PKHD1L1: variants seen among roughly 807,000 people sequenced by gnomAD.
The protein encoded by PKHD1L1 is PKHD1 like 1.
PKHD1L1 carries 434 observed loss-of-function variants against 462.9 expected under a neutral mutation model. The observed-to-expected ratio is 0.94, with a 90% CI of 0.87 to 1.02. The LOEUF is 1.02. PKHD1L1 is among the 50% of genes least tolerant of loss of function. The pLI, the probability that PKHD1L1 is intolerant of heterozygous loss-of-function variation, is 0.00. For missense variants in PKHD1L1, 5,202 were observed against 5,096.1 expected, an observed-to-expected ratio of 1.02 and a Z score of -0.63; for synonymous variants, 1,781 against 1,750.0, an observed-to-expected ratio of 1.02 and a Z score of -0.44.
At chr8:109,525,841 C>A (rs1412310482) in intron 76 of PKHD1L1, among the ~76,000 whole-genome samples, 1 of 146,592 alleles carries the variant, frequency 6.8e-6, no homozygotes, top group Non-Finnish European at 1.5e-5. Flanking sequence ...GCCCATATAT[C>A]CTGAAAGTTA....
intron 50 of PKHD1L1, among the ~76,000 whole-genome samples, chr8:109,467,541 A>G (rs1817513753): frequency 6.6e-6 from 1 of 152,096 alleles, no homozygotes; most frequent in South Asian, 2.1e-4. Context: ...TTGGGGAACC[A>G]GTGTGGGAAT....
intron 16 of PKHD1L1, among the ~76,000 whole-genome samples, 181 bp downstream of exon 16, chr8:109,405,311 T>A (rs866404390): frequency 6.6e-6 from 1 of 152,160 alleles, no homozygotes; most frequent in Non-Finnish European, 1.5e-5. Context: ...ATGACATCCA[T>A]ACAAATAACT....
intron 27 of PKHD1L1, among the ~76,000 whole-genome samples, chr8:109,431,461 G>A (rs898648805): frequency 6.6e-6 from 1 of 151,924 alleles, no homozygotes; most frequent in Non-Finnish European, 1.5e-5. Flanking sequence ...CATAACTCTC[G>A]AGGGACAATC....
rs991831835 is a variant in PKHD1L1 at position 109,530,151 on chromosome 8, G to C, written c.*61G>C. 1.2e-4 allele frequency: 128 copies of C among 1,063,946 alleles called. 2 individuals are homozygous for C. Among genetic ancestry groups the C allele is most frequent in the Non-Finnish European group, 1.5e-4 (116 of 792,398 alleles). The allele number at this position is 1,063,946 out of a possible 1,614,324, so 65.9% of individuals were successfully genotyped here. On this transcript the variant is annotated 3_prime_UTR_variant, in exon 78 of 78. Coordinates refer to ENST00000378402, the MANE Select transcript of PKHD1L1 (RefSeq NM_177531.6). Reference sequence around the variant, plus strand: ...TAAGAATTATTAGCTACTTTGTTGGGCAATAGGCAAAAGTCTATAGCATTT... The same window carrying C: ...TAAGAATTATTAGCTACTTTGTTGGCCAATAGGCAAAAGTCTATAGCATTT...
intron 17 of PKHD1L1, 144 bp from the exon 18 acceptor site, chr8:109,407,905 T>A: frequency 2.5e-6 from 1 of 403,540 alleles, no homozygotes. Context: ...CCCCCATTCT[T>A]CCTTCTTTTC....
At chr8:109,423,108 T>G (rs1326511561) in intron 23 of PKHD1L1, among the ~76,000 whole-genome samples, 1 of 152,208 alleles carries the variant, frequency 6.6e-6, no homozygotes, top group East Asian at 1.9e-4. Flanking sequence ...ATCTTCTTCA[T>G]AAGGTCTTTG....
At chr8:109,437,482 A>T (rs1299895796) in intron 30 of PKHD1L1, among the ~76,000 whole-genome samples, 1 of 138,634 alleles carries the variant, frequency 7.2e-6, no homozygotes, top group Non-Finnish European at 1.6e-5. Flanking sequence ...TCCTAATGCT[A>T]TCCCTCCCCC....
chr8:109,435,575 T>C (rs910362841), intron 29 of PKHD1L1, among the ~76,000 whole-genome samples: 1 of 152,234 alleles, frequency 6.6e-6, no homozygotes, highest in African/African-American at 2.4e-5. Context: ...TCTTAGGTTA[T>C]TGAATTAATA....
chr8:109,374,175 C>G (rs767030977), intron 2 of PKHD1L1, among the ~76,000 whole-genome samples: 1 of 152,140 alleles, frequency 6.6e-6, no homozygotes, highest in Non-Finnish European at 1.5e-5. Flanking sequence ...ATTTATGAAT[C>G]TGGGTGCTCC....
At chr8:109,484,516 G>C (rs1041528023) in intron 57 of PKHD1L1, among the ~76,000 whole-genome samples, 1 of 151,924 alleles carries the variant, frequency 6.6e-6, no homozygotes, top group African/African-American at 2.4e-5. Context: ...AGATAACATT[G>C]AATATTCCAG....
In PKHD1L1 at chr8:109,456,364, A is replaced by C. The variant is rs1816825005; in HGVS notation, c.6977A>C (p.Asn2326Thr). 2 of 1,609,730 alleles carry C rather than the reference A, an allele frequency of 1.2e-6. No homozygotes were observed. Among genetic ancestry groups the C allele is most frequent in the Non-Finnish European group, 1.7e-6 (2 of 1,177,758 alleles). The change falls in exon 46 of 78, where the codon AAC becomes ACC. Residue 2326 changes from asparagine (N) to threonine (T), a missense_variant. Physicochemically the swap from Asn to Thr is moderately conservative, Grantham distance 65. Coordinates refer to ENST00000378402, the MANE Select transcript of PKHD1L1 (RefSeq NM_177531.6). ...QEAVTWKPGD[N>T]IVIASTGHRH... Reference sequence around the variant, plus strand: ...GCAGTAACATGGAAACCAGGAGATAACATTGTAATTGCAAGCACAGGACAC... The same window carrying C: ...GCAGTAACATGGAAACCAGGAGATACCATTGTAATTGCAAGCACAGGACAC...
chr8:109,487,518 G>A (rs73704037), intron 59 of PKHD1L1, among the ~76,000 whole-genome samples: 161 of 127,624 alleles, frequency 1.3e-3, no homozygotes, highest in African/African-American at 4.7e-3. Context: ...GATCCACATT[G>A]CAACTGATTA....
intron 67 of PKHD1L1, 47 bp downstream of exon 67, chr8:109,498,818 G>A (rs769017229): frequency 5.6e-6 from 8 of 1,433,408 alleles, no homozygotes; most frequent in Non-Finnish European, 7.7e-6. Flanking sequence ...TTTCTGTAAA[G>A]AATATGTAGA....
chr8:109,532,801 G>GT lies in PKHD1L1; in HGVS notation c.*2716dup. ...GCAATGACTTCTAGATGGTCCATCT[G>GT]TTTTTACCTTTTATCCATTTTATCC... On this transcript the variant is annotated 3_prime_UTR_variant, in exon 78 of 78. Transcript: ENST00000378402. Among the ~76,000 whole-genome samples the GT allele has an allele frequency of 6.6e-6, 1 of 152,234 alleles. No homozygotes were observed. The highest frequency in any genetic ancestry group is 3.4e-3 in the Middle Eastern group (1 of 294).
Position 109,385,543 on chromosome 8 carries a change from T to G in PKHD1L1, c.482T>G (p.Leu161Arg). 3 of 1,593,294 alleles carry G rather than the reference T, an allele frequency of 1.9e-6. No individual in the cohort carries two copies. The highest frequency in any genetic ancestry group is 2.3e-5 in the South Asian group (2 of 88,862). ...ITPLSGTPGTLITIQGRIFTD... is the reference protein window; with the variant it reads ...ITPLSGTPGTRITIQGRIFTD... ...GGTTTTTGTTTGTTTTCAGGTACAC[T>G]AATAACAATCCAAGGCAGAATCTTC... The change falls in exon 6 of 78, where the codon CTA (leucine) becomes CGA (arginine). Residue 161 changes from leucine (L) to arginine (R), a missense_variant. By Grantham distance (102) the Leu-to-Arg change is moderately radical. This residue lies in a region of PKHD1L1 where 4,497 missense variants were observed against 4,336.8 expected (regional missense o/e 1.04). Coordinates refer to ENST00000378402, the MANE Select transcript of PKHD1L1 (RefSeq NM_177531.6).
In PKHD1L1 at chr8:109,493,729, C is replaced by G. The variant is rs766322218; in HGVS notation, c.10305C>G (p.Arg3435=). The G allele has an allele frequency of 4.4e-6, 7 of 1,606,604 alleles. No homozygotes were observed. Among genetic ancestry groups the G allele is most frequent in the African/African-American group, 4.0e-5 (3 of 74,592 alleles). The change falls in exon 63 of 78, where the codon CGC becomes CGG. Residue 3435 remains arginine (R), a synonymous_variant. Transcript: ENST00000378402. ...CTGGATTTGGAAGAGCAGGATACCG[C>G]ATTGATGGTGAACCTTGCCCAGGTA... ...VVAGFGRAGY[R]IDGEPCPGQF... is the part of the protein sequence containing the mutation.
At position 109,490,794 on chromosome 8, in the gene PKHD1L1, T is replaced by C. The variant is rs550288824; in HGVS notation, c.9985-178T>C. 5.3e-5 allele frequency among the ~76,000 whole-genome samples: 8 copies of C among 151,870 alleles called. No individual in the cohort carries two copies. The South Asian group carries it at 1.7e-3, about 31-fold the overall frequency. On this transcript the variant is annotated intron_variant, in intron 60 of 77. Transcript: ENST00000378402. ...AATAATAAATTCAGATATATGGAAA[T>C]TTCCATATTTTATATATGGATATAT...
At chr8:109,498,974 T>C (rs1231187270) in intron 67 of PKHD1L1, 3 of 528,008 alleles carry the variant, frequency 5.7e-6, no homozygotes, top group East Asian at 3.0e-5. Context: ...TGTTGAAGAA[T>C]TGATGTTAAA....
At chr8:109,523,984 C>A (rs57186793) in intron 76 of PKHD1L1, among the ~76,000 whole-genome samples, 3,253 of 152,234 alleles carry the variant, frequency 0.021, 112 homozygotes, top group African/African-American at 0.074. Flanking sequence ...GTAAATACAG[C>A]CATCACTGCC....
Sources: gnomAD v4.1 joint callset for allele counts (sites outside exome capture counted in the v4.1 genomes callset) on GRCh38, gnomAD v4.1.1 for gene constraint, gnomAD v4.1.1 regional missense constraint, MANE v1.5 for transcripts, NCBI Gene and HGNC (gene_info 2026-07-23, HGNC 2026-07-21) for gene names.